The following SPAG9 variants were observed in gnomAD, a reference collection of about 807,000 sequenced individuals.
SPAG9 encodes the protein sperm associated antigen 9, also known as C-Jun-amino-terminal kinase-interacting protein 4.
In SPAG9, 35 loss-of-function variants were observed where a neutral mutation model predicts 166.5. That is an observed-to-expected ratio of 0.21 (90% CI 0.16 to 0.28). The LOEUF (loss-of-function observed/expected upper bound fraction) is 0.28, where lower values mean the gene tolerates loss of function less well. Among genes scored for constraint, SPAG9 ranks in the 10% least tolerant of loss-of-function variants. The probability of loss-of-function intolerance (pLI) is 1.00; values close to 1 mark genes in which losing one functional copy is unlikely to be tolerated. For synonymous variants in SPAG9, 534 were observed against 565.5 expected (o/e 0.94, Z 0.79); for missense variants, 1,235 against 1,603.3 (o/e 0.77, Z 3.92).
chr17:51,030,733 A>G (rs1225389179), intron 6 of SPAG9, among the ~76,000 whole-genome samples: 1 of 152,196 alleles, frequency 6.6e-6, no homozygotes, highest in East Asian at 1.9e-4. Flanking sequence ...TCAAATTATT[A>G]AAGGAAAGGT....
rs537602006 is a variant in SPAG9, at chr17:51,120,178, C to A, written c.303+176G>T. Among the ~76,000 whole-genome samples the A allele has an allele frequency of 1.3e-5, 2 of 152,340 alleles. No individual in the cohort carries two copies. Among genetic ancestry groups the A allele is most frequent in the African/African-American group, 4.8e-5 (2 of 41,586 alleles). On this transcript the variant is annotated intron_variant, in intron 1 of 29. Coordinates refer to ENST00000262013, the MANE Select transcript of SPAG9 (RefSeq NM_001130528.3). The surrounding 1 kb of genome is among the most constrained non-coding windows in gnomAD (Gnocchi z 4.7). The stretch of plus-strand genomic sequence containing the variant: ...CTCAGTAGCCGGCCTCGGCTTCCAA[C>A]GCCGGCCTGGCTCCCGGGGTACCTG...
intron 1 of SPAG9, among the ~76,000 whole-genome samples, chr17:51,103,906 G>C (rs1392333307): frequency 1.3e-5 from 2 of 152,222 alleles, no homozygotes; most frequent in African/African-American, 2.4e-5. Flanking sequence ...CTGGGATATA[G>C]TGGTGAATGA....
intron 5 of SPAG9, among the ~76,000 whole-genome samples, chr17:51,037,695 T>TA (rs2046669478): frequency 5.2e-5 from 5 of 96,328 alleles, no homozygotes; most frequent in African/African-American, 1.1e-4. Context: ...AGTGTGTGTG[T>TA]GTGTGTGTGT....
chr17:51,037,685 A>ATATATATATATAGTGTGT, intron 5 of SPAG9, among the ~76,000 whole-genome samples: 17 of 83,506 alleles, frequency 2.0e-4, no homozygotes, highest in African/African-American at 3.5e-4. Flanking sequence ...ATATATATAT[A>ATATATATATATAGTGTGT]GTGTGTGTGT....
At chr17:51,011,305 A>T (rs892175191) in intron 9 of SPAG9, among the ~76,000 whole-genome samples, 1 of 152,058 alleles carries the variant, frequency 6.6e-6, no homozygotes, top group Non-Finnish European at 1.5e-5. Context: ...CAAAAAAAAA[A>T]AACAGTAATT....
At chr17:51,022,590 T>C (rs757998215) in intron 6 of SPAG9, among the ~76,000 whole-genome samples, 11 of 151,634 alleles carry the variant, frequency 7.3e-5, no homozygotes, top group African/African-American at 1.2e-4. Context: ...ACCCAGGTTT[T>C]AAGAAAAGAG....
Position 51,120,522 on chromosome 17 carries a change from C to T in SPAG9, c.135G>A (p.Glu45=), listed in dbSNP as rs79125706. 7.1e-3 allele frequency: 11,392 copies of T among 1,613,976 alleles called. 216 individuals are homozygous for T. Among genetic ancestry groups the T allele is most frequent in the African/African-American group, 0.068 (5,077 of 75,024 alleles). ...CCAGCGGCATCAGCTCTTTGACCAC[C>T]TCCTCGTCATAGCGCCCGATAAGCC... ...FERLIGRYDE[E]VVKELMPLVV... Residue 45 remains glutamate (E), a synonymous_variant, in exon 1 of 30, where the codon GAG becomes GAA. Transcript: ENST00000262013. The surrounding 1 kb of genome is among the most constrained non-coding windows in gnomAD (Gnocchi z 4.7).
chr17:50,976,312 T>C (rs1974204210), intron 27 of SPAG9, among the ~76,000 whole-genome samples: 1 of 152,134 alleles, frequency 6.6e-6, no homozygotes. Flanking sequence ...AAATGAACTC[T>C]AGGGGATCCT....
chr17:50,999,554 A>G, intron 14 of SPAG9, 107 bp downstream of exon 14: 1 of 1,471,898 alleles, frequency 6.8e-7, no homozygotes, highest in Non-Finnish European at 9.1e-7. Flanking sequence ...TTTAAAAAAA[A>G]AAAATGAAGG....
intron 1 of SPAG9, among the ~76,000 whole-genome samples, chr17:51,084,597 C>T (rs1332618064): frequency 4.6e-5 from 7 of 152,016 alleles, no homozygotes; most frequent in Non-Finnish European, 1.0e-4. Flanking sequence ...TTAGTAGAGA[C>T]GGGGTTTCAC....
intron 26 of SPAG9, among the ~76,000 whole-genome samples, chr17:50,979,470 T>C (rs1974435867): frequency 6.6e-6 from 1 of 151,734 alleles, no homozygotes. Context: ...ACTTAATTCA[T>C]TGGTTCTACC....
At chr17:50,972,481 T>C (rs1031615393) in intron 28 of SPAG9, among the ~76,000 whole-genome samples, 8 of 152,254 alleles carry the variant, frequency 5.3e-5, no homozygotes, top group African/African-American at 1.4e-4. Context: ...GGTAGAATCC[T>C]TGAGTGTGAA....
intron 28 of SPAG9, among the ~76,000 whole-genome samples, chr17:50,971,184 G>A (rs1408882412): frequency 1.3e-5 from 2 of 152,040 alleles, no homozygotes; most frequent in Non-Finnish European, 1.5e-5. Flanking sequence ...GTATGCGCCT[G>A]TAATCCTGGC....
At chr17:51,075,195 C>CAAAAAAA (rs57533555) in intron 2 of SPAG9, among the ~76,000 whole-genome samples, 93 of 28,742 alleles carry the variant, frequency 3.2e-3, no homozygotes, top group Admixed American at 4.3e-3. Context: ...GACTCCATCT[C>CAAAAAAA]AAAAAAAAAA....
At chr17:51,078,863 T>A (rs2048087540) in intron 2 of SPAG9, among the ~76,000 whole-genome samples, 1 of 152,172 alleles carries the variant, frequency 6.6e-6, no homozygotes, top group Non-Finnish European at 1.5e-5. Context: ...AGGTAATTTT[T>A]AAATACATAC....
intron 1 of SPAG9, among the ~76,000 whole-genome samples, chr17:51,094,228 C>T (rs1027192344): frequency 1.1e-4 from 17 of 152,186 alleles, no homozygotes; most frequent in Admixed American, 1.1e-3. Context: ...GCTTCCAACC[C>T]TCCTTTTTTA....
At chr17:50,999,944 T>C (rs968318575) in intron 13 of SPAG9, among the ~76,000 whole-genome samples, 1 of 152,210 alleles carries the variant, frequency 6.6e-6, no homozygotes, top group Non-Finnish European at 1.5e-5. Context: ...TCAAAGAGCT[T>C]AGTCTACCGA....
chr17:50,979,475 T>G (rs141060027), intron 26 of SPAG9, among the ~76,000 whole-genome samples: 258 of 151,896 alleles, frequency 1.7e-3, no homozygotes, highest in African/African-American at 6.1e-3. Flanking sequence ...ATTCATTGGT[T>G]CTACCCAGCA....
chr17:51,010,914 A>G (rs1458149248), intron 9 of SPAG9, among the ~76,000 whole-genome samples: 1 of 152,180 alleles, frequency 6.6e-6, no homozygotes, highest in African/African-American at 2.4e-5. Flanking sequence ...GAAAACCAAG[A>G]AACAATGAGA....
Sources: gnomAD v4.1 joint callset for allele counts (sites outside exome capture counted in the v4.1 genomes callset) on GRCh38, gnomAD v4.1.1 for gene constraint, Gnocchi (gnomAD v3.1) non-coding constraint, MANE v1.5 for transcripts, NCBI Gene and HGNC (gene_info 2026-07-23, HGNC 2026-07-21) for gene names.